DUOXA1: variants seen among roughly 807,000 people sequenced by gnomAD.
DUOXA1 encodes dual oxidase maturation factor 1, also known as dual oxidase activator 1.
In DUOXA1, 19 loss-of-function variants were observed where a neutral mutation model predicts 26.6. The ratio of observed to expected loss-of-function variants is 0.71; its 90% CI spans 0.50 to 1.05. DUOXA1 has a LOEUF of 1.05. Ranked by LOEUF, DUOXA1 falls within the 50% of genes least tolerant of loss-of-function variation. The pLI, the probability that DUOXA1 is intolerant of heterozygous loss-of-function variation, is 0.00. For synonymous variants in DUOXA1, 166 were observed against 177.0 expected (o/e 0.94, Z 0.49); for missense variants, 403 against 427.5 (o/e 0.94, Z 0.51).
At position 45,117,628 on chromosome 15, in the gene DUOXA1, G is replaced by A. The variant is rs1894736613; in HGVS notation, c.*1478C>T. The A allele has an allele frequency of 6.2e-7, 1 of 1,613,686 alleles. No individual in the cohort carries two copies. Among genetic ancestry groups the A allele is most frequent in the Non-Finnish European group, 8.5e-7 (1 of 1,179,834 alleles). ...CACTTTGGGAGGTCGAGGCAGGAAG[G>A]TCGTTTGAGGCCAGAGTTCGAGACC... On this transcript the variant is annotated 3_prime_UTR_variant, in exon 9 of 9. Coordinates refer to ENST00000560572, the MANE Select transcript of DUOXA1 (RefSeq NM_001276266.2).
chr15:45,123,491 T>G (rs1895421594), intron 3 of DUOXA1, among the ~76,000 whole-genome samples: 1 of 152,246 alleles, frequency 6.6e-6, no homozygotes. Context: ...GCTTTCTTCC[T>G]CAGTCCCCAA....
Position 45,120,030 on chromosome 15 carries a change from C to T in DUOXA1, c.772+73G>A, listed in dbSNP as rs141566917. ...TCCAGGAACAGACCCTCAACTCTAC[C>T]GACATGATGCCCCCAGGCCCTCCCT... On this transcript the variant is annotated intron_variant, in intron 8 of 8. Coordinates refer to ENST00000560572, the MANE Select transcript of DUOXA1 (RefSeq NM_001276266.2). The T allele has an allele frequency of 2.1e-4, 320 of 1,558,594 alleles. 1 individual carries two copies. The East Asian group carries it at 3.3e-3, about 16-fold the overall frequency.
intron 4 of DUOXA1, among the ~76,000 whole-genome samples, chr15:45,122,559 A>ATT (rs35373061): frequency 2.3e-3 from 339 of 146,572 alleles, no homozygotes; most frequent in Non-Finnish European, 4.1e-3. Context: ...ATGCCCAGCT[A>ATT]TTTTTTTTTT....
chr15:45,117,957 G>C lies in DUOXA1; in HGVS notation c.*1149C>G. 1 of 1,612,786 alleles carries C rather than the reference G, an allele frequency of 6.2e-7. No homozygotes were observed. Among genetic ancestry groups the C allele is most frequent in the Non-Finnish European group, 8.5e-7 (1 of 1,179,700 alleles). On this transcript the variant is annotated 3_prime_UTR_variant, in exon 9 of 9. Coordinates refer to ENST00000560572, the MANE Select transcript of DUOXA1 (RefSeq NM_001276266.2). Reference sequence around the variant, plus strand: ...TCCCCGCCTTGGGACATCGCAGGCCGGGAAGCAGTGCCCGCCAGGCCTGGG... The same window carrying C: ...TCCCCGCCTTGGGACATCGCAGGCCCGGAAGCAGTGCCCGCCAGGCCTGGG...
In DUOXA1 at chr15:45,121,061, C is replaced by T. The variant is rs185842449; in HGVS notation, c.340+26G>A. The T allele has an allele frequency of 5.6e-6, 9 of 1,613,774 alleles. No homozygotes were observed. The East Asian group carries it at 6.7e-5, about 12-fold the overall frequency. On this transcript the variant is annotated intron_variant, in intron 6 of 8. Transcript: ENST00000560572. ...CCAAAGATGGCAGAGCCTTCCCCCC[C>T]ACCACAGGTAAGAGCCCTCCCTCAC...
intron 6 of DUOXA1, 122 bp from the exon 7 acceptor site, chr15:45,120,927 A>G: frequency 6.7e-7 from 1 of 1,494,382 alleles, no homozygotes; most frequent in South Asian, 1.2e-5. Flanking sequence ...GGTAGCTTCC[A>G]AGGCCCTGAA....
At chr15:45,120,908 C>T (rs543027357) in intron 6 of DUOXA1, 103 bp from the exon 7 acceptor site, 2 of 1,502,918 alleles carry the variant, frequency 1.3e-6, no homozygotes, top group South Asian at 1.2e-5. Flanking sequence ...GTGGTCTCAA[C>T]TGAGAGAAGG....
At chr15:45,124,372 C>A (rs1566996169) in intron 3 of DUOXA1, among the ~76,000 whole-genome samples, 1 of 152,050 alleles carries the variant, frequency 6.6e-6, no homozygotes, top group African/African-American at 2.4e-5. Context: ...GTACTGGAAA[C>A]AAATAAGCTA....
intron 3 of DUOXA1, among the ~76,000 whole-genome samples, chr15:45,127,432 G>C (rs1306375170): frequency 1.3e-5 from 2 of 152,136 alleles, no homozygotes; most frequent in Non-Finnish European, 2.9e-5. Flanking sequence ...CTTATTTCCA[G>C]TTCTCCAAAA....
rs142420553 is a variant in DUOXA1, at chr15:45,122,055, G to A, written c.205+130C>T. On this transcript the variant is annotated intron_variant, in intron 5 of 8. Coordinates refer to ENST00000560572, the MANE Select transcript of DUOXA1 (RefSeq NM_001276266.2). Reference sequence around the variant, plus strand: ...TAAGGCCATGGTGAGAGAAGCATATGGGCAGGGTCTGGAAGCCACCCTGAA... The same window carrying A: ...TAAGGCCATGGTGAGAGAAGCATATAGGCAGGGTCTGGAAGCCACCCTGAA... The A allele has an allele frequency of 5.1e-4, 471 of 916,128 alleles. 8 individuals are homozygous for A. Among genetic ancestry groups the A allele is most frequent in the African/African-American group, 4.6e-3 (282 of 60,922 alleles). 56.7% of individuals were successfully genotyped at this position (916,128 alleles called of 1,614,324 possible). A position where few individuals can be genotyped will look rare whatever the true frequency, so the allele number is the denominator to read the frequency against.
Position 45,121,184 on chromosome 15 carries a change from G to A in DUOXA1, c.243C>T (p.Val81=). 1.9e-6 allele frequency: 3 copies of A among 1,614,168 alleles called. No individual in the cohort carries two copies. The highest frequency in any genetic ancestry group is 2.5e-6 in the Non-Finnish European group (3 of 1,180,040). ...AGGCCTTGTATGATGTGTTGGTGCT[G>A]ACCTGGCCCACAGACCACTCAGAAC... The part of the protein sequence containing the change: ...NFSSEWSVGQ[V]STNTSYKAFS... The change falls in exon 6 of 9, where the codon GTC becomes GTT. Residue 81 remains valine (V), a synonymous_variant. Coordinates refer to ENST00000560572, the MANE Select transcript of DUOXA1 (RefSeq NM_001276266.2).
Position 45,117,422 on chromosome 15 carries a change from A to C in DUOXA1, c.*1684T>G. 1 of 1,521,158 alleles carries C rather than the reference A, an allele frequency of 6.6e-7. No individual in the cohort carries two copies. 94.2% of individuals were successfully genotyped at this position (1,521,158 alleles called of 1,614,324 possible). ...TCTATTACCCTATTTGCCCCTCTCA[A>C]TAGTTCGCAGAAACAGGCACTGTTA... is the stretch of plus-strand genomic sequence containing the variant. On this transcript the variant is annotated 3_prime_UTR_variant, in exon 9 of 9. Coordinates refer to ENST00000560572, the MANE Select transcript of DUOXA1 (RefSeq NM_001276266.2).
At chr15:45,127,703 T>TG (rs1895786209) in intron 3 of DUOXA1, among the ~76,000 whole-genome samples, 1 of 152,210 alleles carries the variant, frequency 6.6e-6, no homozygotes, top group South Asian at 2.1e-4. Context: ...TGTGTTTCCC[T>TG]GGGGAACATC....
At chr15:45,120,526 G>T in intron 7 of DUOXA1, 66 bp downstream of exon 7, 4 of 1,562,604 alleles carry the variant, frequency 2.6e-6, no homozygotes, top group Non-Finnish European at 3.5e-6. Context: ...GAGGAGAGAT[G>T]GGTAGAAACC....
At position 45,117,966 on chromosome 15, in the gene DUOXA1, T is replaced by C. The variant is rs746432117; in HGVS notation, c.*1140A>G. ...TGGGACATCGCAGGCCGGGAAGCAG[T>C]GCCCGCCAGGCCTGGGCCAGGAGAG... On this transcript the variant is annotated 3_prime_UTR_variant, in exon 9 of 9. Transcript: ENST00000560572. 1.2e-6 allele frequency: 2 copies of C among 1,612,764 alleles called. No homozygotes were observed. Among genetic ancestry groups the C allele is most frequent in the South Asian group, 1.1e-5 (1 of 91,054 alleles).
Position 45,119,318 on chromosome 15 carries a change from T to A in DUOXA1, c.820A>T (p.Met274Leu), listed in dbSNP as rs1566988394. The A allele has an allele frequency of 6.2e-7, 1 of 1,613,746 alleles. No individual in the cohort carries two copies. ...LGLAMAVAHRMQPHRLKAFFN... is the reference protein window; with the variant it reads ...LGLAMAVAHRLQPHRLKAFFN... The stretch of plus-strand genomic sequence containing the variant: ...AAAGCCTTCAGCCTGTGAGGCTGCA[T>A]CCTGTGGGCCACCGCCATAGCCAGG... The change falls in exon 9 of 9, where the codon ATG (methionine) becomes TTG (leucine). Residue 274 changes from methionine to leucine, a missense_variant. Transcript: ENST00000560572.
At chr15:45,125,543 T>C (rs940645277) in intron 3 of DUOXA1, among the ~76,000 whole-genome samples, 2 of 152,112 alleles carry the variant, frequency 1.3e-5, no homozygotes, top group Non-Finnish European at 2.9e-5. Context: ...ACAATCTGAC[T>C]TTTCCTCATC....
rs756034614 is a variant in DUOXA1, at chr15:45,122,219, C to T, written c.171G>A (p.Val57=). The change falls in exon 5 of 9, where the codon GTG becomes GTA. Residue 57 remains valine, a synonymous_variant. Coordinates refer to ENST00000560572, the MANE Select transcript of DUOXA1 (RefSeq NM_001276266.2). ...GKTRLFWLLR[V]VTSLFIGAAI... Reference sequence around the variant, plus strand: ...CAGCCCCGATGAATAAGCTGGTCACCACCCGAAGCAGCCAGAACAGCCTCT... The same window carrying T: ...CAGCCCCGATGAATAAGCTGGTCACTACCCGAAGCAGCCAGAACAGCCTCT... 3.7e-6 allele frequency: 6 copies of T among 1,605,290 alleles called. No homozygotes were observed. In the East Asian group the frequency reaches 1.3e-4, roughly 36 times the overall value.
rs1306350077 is a variant in DUOXA1 at position 45,117,476 on chromosome 15, G to A, written c.*1630C>T. 1.9e-6 allele frequency: 3 copies of A among 1,550,050 alleles called. No individual in the cohort carries two copies. The highest frequency in any genetic ancestry group is 2.4e-5 in the South Asian group (2 of 83,908). On this transcript the variant is annotated 3_prime_UTR_variant, in exon 9 of 9. Coordinates refer to ENST00000560572, the MANE Select transcript of DUOXA1 (RefSeq NM_001276266.2). ...CCATTTTACAGATGAAAAGTGGGGGGCTCAGAAGGGTTTGGTGTCTTGCCG... is the reference window on the plus strand; with the variant it reads ...CCATTTTACAGATGAAAAGTGGGGGACTCAGAAGGGTTTGGTGTCTTGCCG...
Sources: allele counts gnomAD v4.1 joint callset (sites outside exome capture counted in the v4.1 genomes callset), GRCh38; gene constraint gnomAD v4.1.1; transcripts MANE v1.5; gene names NCBI Gene and HGNC (gene_info 2026-07-23, HGNC 2026-07-21).